Variants in OR6F1 observed in about 807,000 individuals in gnomAD.
OR6F1 encodes the protein olfactory receptor family 6 subfamily F member 1.
For missense variants in OR6F1, 346 were observed against 376.0 expected (o/e 0.92, Z 0.66); for synonymous variants, 144 against 150.0 (o/e 0.96, Z 0.29).
In OR6F1 at chr1:247,712,003, C is replaced by A; in HGVS notation, c.753G>T (p.Trp251Cys). 6.2e-7 allele frequency: 1 copy of A among 1,614,202 alleles called. No individual in the cohort carries two copies. Among genetic ancestry groups the A allele is most frequent in the East Asian group, 2.2e-5 (1 of 44,882 alleles). Residue 251 changes from tryptophan to cysteine, a missense_variant, in exon 3 of 3, where the codon TGG (tryptophan) becomes TGT (cysteine). Physicochemically the swap from Trp to Cys is radical, Grantham distance 215. Coordinates refer to ENST00000641470, the MANE Select transcript of OR6F1 (RefSeq NM_001005286.2). ...CSSHLTVVLI[W>C]YGSTVFLHVR... ...CGTGAAGGAAAACTGTGGACCCATA[C>A]CAAATGAGCACCACGGTGAGATGCG... is the stretch of plus-strand genomic sequence containing the variant.
In OR6F1 at chr1:247,711,955, G is replaced by A. The variant is rs1483350062; in HGVS notation, c.801C>T (p.Ala267=). The change falls in exon 3 of 3, where the codon GCC becomes GCT. Residue 267 remains alanine, a synonymous_variant. Transcript: ENST00000641470. ...CGTGGACAGCTTTGATCAGATCCAA[G>A]GCATCTTTGATAGAGGTGCGGACGT... ...FLHVRTSIKD[A]LDLIKAVHVL... 6.2e-7 allele frequency: 1 copy of A among 1,614,028 alleles called. No individual in the cohort carries two copies. Among genetic ancestry groups the A allele is most frequent in the African/African-American group, 1.3e-5 (1 of 75,026 alleles).
Position 247,711,780 on chromosome 1 carries a change from G to A in OR6F1, c.*49C>T, listed in dbSNP as rs564607868. The A allele has an allele frequency of 8.0e-7, 1 of 1,252,344 alleles. No individual in the cohort carries two copies. The highest frequency in any genetic ancestry group is 2.3e-5 in the East Asian group (1 of 43,036). The allele number at this position is 1,252,344 out of a possible 1,614,324, so 77.6% of individuals were successfully genotyped here. ...CTCCACATTCTTACTTGGAACCTCTGTATAGATGCAGAGACCATTTACAGG... is the reference window on the plus strand; with the variant it reads ...CTCCACATTCTTACTTGGAACCTCTATATAGATGCAGAGACCATTTACAGG... On this transcript the variant is annotated 3_prime_UTR_variant, in exon 3 of 3. Transcript: ENST00000641470.
chr1:247,714,840 T>C (rs991028865), intron 1 of OR6F1, among the ~76,000 whole-genome samples: 3 of 152,066 alleles, frequency 2.0e-5, no homozygotes, highest in African/African-American at 7.3e-5. Flanking sequence ...TTCCAACATA[T>C]GTGTCATTCA....
In OR6F1 at chr1:247,712,082, A is replaced by T. The variant is rs954660987; in HGVS notation, c.674T>A (p.Ile225Asn). 1.9e-6 allele frequency: 3 copies of T among 1,614,180 alleles called. No homozygotes were observed. Among genetic ancestry groups the T allele is most frequent in the East Asian group, 2.2e-5 (1 of 44,886 alleles). Residue 225 changes from isoleucine to asparagine, a missense_variant, in exon 3 of 3, where the codon ATC (isoleucine) becomes AAC (asparagine). Ile to Asn is a moderately radical substitution (Grantham distance 149). Coordinates refer to ENST00000641470, the MANE Select transcript of OR6F1 (RefSeq NM_001005286.2). ...FVSYVYIIST[I>N]LRIPSASGRS... is the part of the protein sequence containing the mutation. ...GCCACTGGCAGAGGGGATCCTGAGGATGGTGCTGATGATGTACACATAGGA... is the reference window on the plus strand; with the variant it reads ...GCCACTGGCAGAGGGGATCCTGAGGTTGGTGCTGATGATGTACACATAGGA...
At position 247,712,316 on chromosome 1, in the gene OR6F1, C is replaced by A. The variant is rs190994496; in HGVS notation, c.440G>T (p.Gly147Val). ...GGCCACGAAACCACACACCCAGGAG[C>A]CCAGGGCCAGCTGCGCTGAGAGCAG... ...SSLLSAQLALGSWVCGFVAIA... is the reference protein window; with the variant it reads ...SSLLSAQLALVSWVCGFVAIA... Residue 147 changes from glycine to valine, a missense_variant, in exon 3 of 3, where the codon GGC becomes GTC. Gly to Val is a moderately radical substitution (Grantham distance 109). Transcript: ENST00000641470. 3.3e-5 allele frequency: 53 copies of A among 1,614,134 alleles called. No individual in the cohort carries two copies. In the African/African-American group the frequency reaches 6.3e-4, roughly 19 times the overall value.
In OR6F1 at chr1:247,712,233, T is replaced by A. The variant is rs761018907; in HGVS notation, c.523A>T (p.Asn175Tyr). 1.2e-6 allele frequency: 2 copies of A among 1,614,162 alleles called. No individual in the cohort carries two copies. The highest frequency in any genetic ancestry group is 4.5e-5 in the East Asian group (2 of 44,870). The change falls in exon 3 of 3, where the codon AAC becomes TAC. Residue 175 changes from asparagine (N) to tyrosine (Y), a missense_variant. Transcript: ENST00000641470. ...GGTGCAATGTCACAGAAGAAGTGGTTGATGGCACGGGGGCCACAGAAGGAC... is the reference window on the plus strand; with the variant it reads ...GGTGCAATGTCACAGAAGAAGTGGTAGATGGCACGGGGGCCACAGAAGGAC... ...GLSFCGPRAI[N>Y]HFFCDIAPWI... is the part of the protein sequence containing the mutation.
In OR6F1 at chr1:247,712,764, T is replaced by C. The variant is rs1469800989; in HGVS notation, c.-9A>G. The C allele has an allele frequency of 1.3e-6, 2 of 1,576,252 alleles. No individual in the cohort carries two copies. Among genetic ancestry groups the C allele is most frequent in the East Asian group, 2.2e-5 (1 of 44,726 alleles). ...TTGTTGCCTGTGTCCATTGTGGTAC[T>C]GAAACCAGAAAACAGAGTCCCCGCA... On this transcript the variant is annotated 5_prime_UTR_variant, in exon 3 of 3. Transcript: ENST00000641470.
At position 247,712,718 on chromosome 1, in the gene OR6F1, A is replaced by G. The variant is rs60303431; in HGVS notation, c.38T>C (p.Leu13Pro). ...TTGAGAACCAGGAAAGCCCAGTAAG[A>G]GAAAGTCCTGGGGCAGAGTTTTGTT... Reference protein sequence around the residue: ...TGNKTLPQDFLLLGFPGSQTL... With the variant: ...TGNKTLPQDFPLLGFPGSQTL... The change falls in exon 3 of 3, where the codon CTC (leucine) becomes CCC (proline). Residue 13 changes from leucine (L) to proline (P), a missense_variant. Physicochemically the swap from Leu to Pro is moderately conservative, Grantham distance 98. Coordinates refer to ENST00000641470, the MANE Select transcript of OR6F1 (RefSeq NM_001005286.2). The G allele has an allele frequency of 3.7e-3, 5,962 of 1,607,406 alleles. 212 individuals carry two copies. The African/African-American group carries it at 0.07, about 19-fold the overall frequency.
chr1:247,715,276 A>G (rs1243043025), intron 1 of OR6F1, among the ~76,000 whole-genome samples: 1 of 152,226 alleles, frequency 6.6e-6, no homozygotes, highest in African/African-American at 2.4e-5. Context: ...TCGCTGGGCA[A>G]AGCTATTTTG....
chr1:247,714,091 T>G, intron 1 of OR6F1, 137 bp from the exon 2 acceptor site: 1 of 396,926 alleles, frequency 2.5e-6, no homozygotes, highest in Non-Finnish European at 4.4e-6. Context: ...TCTTTCTCAT[T>G]TTATAAAAAG....
chr1:247,712,083 T>A lies in OR6F1; in HGVS notation c.673A>T (p.Ile225Phe). The A allele has an allele frequency of 1.9e-6, 3 of 1,614,180 alleles. No homozygotes were observed. Among genetic ancestry groups the A allele is most frequent in the Non-Finnish European group, 2.5e-6 (3 of 1,180,020 alleles). ...CCACTGGCAGAGGGGATCCTGAGGA[T>A]GGTGCTGATGATGTACACATAGGAG... Reference protein sequence around the residue: ...FVSYVYIISTILRIPSASGRS... With the variant: ...FVSYVYIISTFLRIPSASGRS... The change falls in exon 3 of 3, where the codon ATC becomes TTC. Residue 225 changes from isoleucine (I) to phenylalanine (F), a missense_variant. Transcript: ENST00000641470.
In OR6F1 at chr1:247,712,284, C is replaced by G. The variant is rs896426664; in HGVS notation, c.472G>C (p.Val158Leu). 1.9e-6 allele frequency: 3 copies of G among 1,614,168 alleles called. No individual in the cohort carries two copies. The African/African-American group carries it at 4.0e-5, about 22-fold the overall frequency. The change falls in exon 3 of 3, where the codon GTG becomes CTG. Residue 158 changes from valine (V) to leucine (L), a missense_variant. Physicochemically the swap from Val to Leu is conservative, Grantham distance 32. Coordinates refer to ENST00000641470, the MANE Select transcript of OR6F1 (RefSeq NM_001005286.2). ...AGGCCACTGATGAGGGCTGTGGGCACTGCAATGGCCACGAAACCACACACC... is the reference window on the plus strand; with the variant it reads ...AGGCCACTGATGAGGGCTGTGGGCAGTGCAATGGCCACGAAACCACACACC... Reference protein sequence around the residue: ...SWVCGFVAIAVPTALISGLSF... With the variant: ...SWVCGFVAIALPTALISGLSF...
At chr1:247,714,701 C>T (rs1660077144) in intron 1 of OR6F1, among the ~76,000 whole-genome samples, 1 of 151,974 alleles carries the variant, frequency 6.6e-6, no homozygotes, top group African/African-American at 2.4e-5. Context: ...ATTATGAATT[C>T]ATTACCCTAA....
At chr1:247,713,682 C>T (rs773593558) in intron 2 of OR6F1, among the ~76,000 whole-genome samples, 2 of 152,162 alleles carry the variant, frequency 1.3e-5, no homozygotes, top group Non-Finnish European at 2.9e-5. Context: ...TGAAGAAAGA[C>T]AGTGAAGACT....
At chr1:247,714,829 A>G (rs1660078965) in intron 1 of OR6F1, among the ~76,000 whole-genome samples, 1 of 152,206 alleles carries the variant, frequency 6.6e-6, no homozygotes, top group African/African-American at 2.4e-5. Flanking sequence ...AAGCTAATAT[A>G]TTCCAACATA....
rs2103193694 is a variant in OR6F1 at position 247,716,450 on chromosome 1, C to T, written c.-246G>A. The T allele has an allele frequency of 6.6e-6, 1 of 152,012 alleles. No individual in the cohort carries two copies. The highest frequency in any genetic ancestry group is 1.9e-4 in the East Asian group (1 of 5,174). 9.4% of individuals were successfully genotyped at this position (152,012 alleles called of 1,614,324 possible). A position where few individuals can be genotyped will look rare whatever the true frequency, so the allele number is the denominator to read the frequency against. On this transcript the variant is annotated 5_prime_UTR_variant, in exon 1 of 3. Coordinates refer to ENST00000641470, the MANE Select transcript of OR6F1 (RefSeq NM_001005286.2). The stretch of plus-strand genomic sequence containing the variant: ...ATAATATATTTTGATTGCAATTATT[C>T]CCTCTATATCTCTGTTTTTCTTTGA...
At chr1:247,715,841 A>G (rs746566103) in intron 1 of OR6F1, among the ~76,000 whole-genome samples, 5 of 152,296 alleles carry the variant, frequency 3.3e-5, no homozygotes, top group Non-Finnish European at 7.4e-5. Flanking sequence ...TTTCATAGAA[A>G]CATGCACTAT....
At chr1:247,713,177 C>T (rs568069062) in intron 2 of OR6F1, among the ~76,000 whole-genome samples, 4 of 152,306 alleles carry the variant, frequency 2.6e-5, no homozygotes, top group African/African-American at 9.6e-5. Context: ...CTAGACTCTG[C>T]ATGGCCCCTG....
At chr1:247,712,957 A>T (rs1051537199) in intron 2 of OR6F1, 140 bp from the exon 3 acceptor site, 1 of 496,578 alleles carries the variant, frequency 2.0e-6, no homozygotes. Context: ...TGAAACAGTG[A>T]GATATGTATT....
Sources: allele counts gnomAD v4.1 joint callset (sites outside exome capture counted in the v4.1 genomes callset), GRCh38; gene constraint gnomAD v4.1.1; transcripts MANE v1.5; gene names NCBI Gene and HGNC (gene_info 2026-07-23, HGNC 2026-07-21).